The following THOC2 variants were observed in gnomAD, a reference collection of about 807,000 sequenced individuals.
THOC2 encodes the protein THO complex subunit 2, also known as THO complex 2.
A neutral mutation model predicts 128.4 loss-of-function variants in THOC2; 10 were observed. The ratio of observed to expected loss-of-function variants is 0.08; its 90% CI spans 0.05 to 0.13. The LOEUF (loss-of-function observed/expected upper bound fraction) is 0.13. Among genes scored for constraint, THOC2 ranks in the 10% least tolerant of loss-of-function variants. The pLI is 1.00. For missense variants in THOC2, 535 were observed against 1,155.7 expected (o/e 0.46, Z 7.79); for synonymous variants, 393 against 396.9 (o/e 0.99, Z 0.12).
intron 38 of THOC2, among the ~76,000 whole-genome samples, chrX:123,609,944 G>T (rs189359474): frequency 0.018 from 1,953 of 110,462 alleles, 45 homozygotes; most frequent in African/African-American, 0.061. Flanking sequence ...CAGGAGAATC[G>T]CTTGGACCTG....
Position 123,696,106 on chromosome X carries a change from A to G in THOC2, c.516T>C (p.Tyr172=). Residue 172 remains tyrosine, a synonymous_variant, in exon 7 of 39, where the codon TAT becomes TAC. Coordinates refer to ENST00000245838, the MANE Select transcript of THOC2 (RefSeq NM_001081550.2). ...FNLLREENEG[Y]AKLIAELGQD... is the part of the protein sequence containing the mutation. ...GCCCCAATTCAGCAATCAGCTTGGC[A>G]TAACCTTCATTCTCTTCTCTTAACA... The G allele has an allele frequency of 8.4e-7, 1 of 1,189,327 alleles. No homozygotes were observed. The highest frequency in any genetic ancestry group is 1.1e-6 in the Non-Finnish European group (1 of 875,728).
chrX:123,706,255 T>A (rs1325001543), intron 3 of THOC2, among the ~76,000 whole-genome samples: 1 of 112,321 alleles, frequency 8.9e-6, no homozygotes, highest in Non-Finnish European at 1.9e-5. Context: ...TTAAAATATA[T>A]TTAATTTCTA....
chrX:123,729,634 T>C (rs965849810), intron 1 of THOC2, among the ~76,000 whole-genome samples: 3 of 106,596 alleles, frequency 2.8e-5, no homozygotes, highest in African/African-American at 9.8e-5. Context: ...GCTTATCTGC[T>C]AATTTATCTT....
Position 123,610,028 on chromosome X carries a change from C to CA in THOC2, c.*18+889dup, listed in dbSNP as rs781261266. Among the ~76,000 whole-genome samples, 895 of 104,828 alleles carry CA rather than the reference C, an allele frequency of 8.5e-3. 9 individuals are homozygous for CA. The highest frequency in any genetic ancestry group is 0.028 in the African/African-American group (800 of 28,694). The allele number at this position is 104,828 out of a possible 115,157, so 91.0% of individuals were successfully genotyped here. A position where few individuals can be genotyped will look rare whatever the true frequency, so the allele number is the denominator to read the frequency against. The stretch of plus-strand genomic sequence containing the variant: ...TGGGCGACAGAGTGAGACTCTGTCT[C>CA]AAAAAAAAATAAAAATAAAAAAATA... On this transcript the variant is annotated intron_variant, in intron 38 of 38. Transcript: ENST00000245838.
At position 123,644,665 on chromosome X, in the gene THOC2, T is replaced by A. The variant is rs748940945; in HGVS notation, c.1571A>T (p.Tyr524Phe). 8.4e-7 allele frequency: 1 copy of A among 1,197,160 alleles called. No individual in the cohort carries two copies. Among genetic ancestry groups the A allele is most frequent in the Non-Finnish European group, 1.1e-6 (1 of 886,406 alleles). ...TFPYQHRYRLYGQWKNETYNS... is the reference protein window; with the variant it reads ...TFPYQHRYRLFGQWKNETYNS... ...ATAAGTTTCATTCTTCCACTGGCCA[T>A]ACAGACGATATCTTAAAAAACGATG... Residue 524 changes from tyrosine to phenylalanine, a missense_variant, in exon 15 of 39, where the codon TAT becomes TTT. This residue lies in a region of THOC2 where 197 missense variants were observed against 313.4 expected (regional missense o/e 0.63). Coordinates refer to ENST00000245838, the MANE Select transcript of THOC2 (RefSeq NM_001081550.2).
intron 1 of THOC2, among the ~76,000 whole-genome samples, chrX:123,723,413 G>C (rs1401310101): frequency 9.1e-6 from 1 of 110,382 alleles, no homozygotes; most frequent in African/African-American, 3.3e-5. Flanking sequence ...ATAACCCAGA[G>C]ATTCTACACC....
rs187494879 is a variant in THOC2 at position 123,667,042 on chromosome X, T to G, written c.1190+64A>C. On this transcript the variant is annotated intron_variant, in intron 11 of 38. Transcript: ENST00000245838. Reference sequence around the variant, plus strand: ...TTGGTTTGAGGAGATAAGATAAATATACATTTTGTTGTAGTCCTAAGCTAT... The same window carrying G: ...TTGGTTTGAGGAGATAAGATAAATAGACATTTTGTTGTAGTCCTAAGCTAT... 535 of 792,794 alleles carry G rather than the reference T, an allele frequency of 6.7e-4. No homozygotes were observed. In the African/African-American group the frequency reaches 9.9e-3, roughly 15 times the overall value. The allele number at this position is 792,794 out of a possible 1,213,427, so 65.3% of individuals were successfully genotyped here. A position where few individuals can be genotyped will look rare whatever the true frequency, so the allele number is the denominator to read the frequency against.
chrX:123,723,819 AAAG>A (rs1260543878), intron 1 of THOC2, among the ~76,000 whole-genome samples: 1 of 112,013 alleles, frequency 8.9e-6, no homozygotes, highest in Non-Finnish European at 1.9e-5. Flanking sequence ...AAGGTTAAAA[AAAG>A]AGAAAAATCA....
At chrX:123,638,172 C>T (rs1166961452) in intron 17 of THOC2, 49 bp from the exon 18 acceptor site, 1 of 858,219 alleles carries the variant, frequency 1.2e-6, no homozygotes, top group African/African-American at 2.0e-5. Flanking sequence ...TAATAAAGAC[C>T]CTTAAAACAT....
In THOC2 at chrX:123,621,328, CGTTGGGGACAGT is replaced by C; in HGVS notation, c.4033_4044del (p.Thr1345_Asn1348del). Reference sequence around the variant, plus strand: ...CTTTCTTGAGTTGATTTTGATTCTGCGTTGGGGACAGTGGTCTTAAATTTCTCATCTTTAGCT... The same window carrying C: ...CTTTCTTGAGTTGATTTTGATTCTGCGGTCTTAAATTTCTCATCTTTAGCT... On this transcript the variant is annotated inframe_deletion, in exon 31 of 39. Transcript: ENST00000245838. 1.7e-6 allele frequency: 2 copies of C among 1,210,503 alleles called. No individual in the cohort carries two copies. The highest frequency in any genetic ancestry group is 2.2e-6 in the Non-Finnish European group (2 of 895,003).
chrX:123,703,009 A>G (rs1424257407), intron 4 of THOC2, among the ~76,000 whole-genome samples: 2 of 111,696 alleles, frequency 1.8e-5, no homozygotes, highest in Non-Finnish European at 3.8e-5. Flanking sequence ...CTCATCCTCA[A>G]AACAAAAGTA....
chrX:123,684,532 C>T (rs755560287), intron 8 of THOC2, among the ~76,000 whole-genome samples: 2 of 111,117 alleles, frequency 1.8e-5, no homozygotes, highest in Non-Finnish European at 1.9e-5. Context: ...TACAGGTGCC[C>T]GCCACCACGC....
At chrX:123,607,089 T>C (rs1204237734) in intron 38 of THOC2, among the ~76,000 whole-genome samples, 1 of 106,899 alleles carries the variant, frequency 9.4e-6, no homozygotes, top group Non-Finnish European at 1.9e-5. Flanking sequence ...GGAAGGAAGG[T>C]TAAAGGCAAA....
chrX:123,622,955 A>C (rs907904575), intron 29 of THOC2, 95 bp from the exon 30 acceptor site: 3 of 879,912 alleles, frequency 3.4e-6, no homozygotes, highest in Non-Finnish European at 4.7e-6. Context: ...AGAAAGAAAC[A>C]GCAAGCTGAT....
intron 12 of THOC2, among the ~76,000 whole-genome samples, chrX:123,649,448 G>T (rs1356184245): frequency 9.0e-6 from 1 of 111,323 alleles, no homozygotes; most frequent in Non-Finnish European, 1.9e-5. Context: ...ACTGGACAAA[G>T]AATGAGTTTG....
chrX:123,732,876 T>C, intron 1 of THOC2, 76 bp downstream of exon 1: 1 of 1,053,570 alleles, frequency 9.5e-7, no homozygotes, highest in Non-Finnish European at 1.3e-6. Context: ...CCCCTCAACC[T>C]CCCACTACAG....
chrX:123,717,604 G>A (rs1418650387), intron 1 of THOC2, among the ~76,000 whole-genome samples: 3 of 103,199 alleles, frequency 2.9e-5, no homozygotes, highest in African/African-American at 7.2e-5. Context: ...CATGCTACCC[G>A]AAGAGATATA....
chrX:123,671,585 C>A, intron 9 of THOC2, 84 bp downstream of exon 9: 1 of 516,232 alleles, frequency 1.9e-6, no homozygotes. Context: ...CAACCCAATC[C>A]TGGGGGTGCT....
intron 18 of THOC2, among the ~76,000 whole-genome samples, chrX:123,637,620 C>T (rs928920584): frequency 5.4e-5 from 6 of 110,459 alleles, no homozygotes; most frequent in Non-Finnish European, 1.1e-4. Context: ...ATTAGCTGGG[C>T]GTGGTGGCGC....
Sources: allele counts gnomAD v4.1 joint callset (sites outside exome capture counted in the v4.1 genomes callset), GRCh38; gene constraint gnomAD v4.1.1; regional missense constraint gnomAD v4.1.1; transcripts MANE v1.5; gene names NCBI Gene and HGNC (gene_info 2026-07-23, HGNC 2026-07-21).